The following CLEC16A variants were observed in gnomAD, a reference collection of about 807,000 sequenced individuals.
The protein encoded by CLEC16A is protein CLEC16A.
CLEC16A carries 51 observed loss-of-function variants against 109.5 expected under a neutral mutation model. The observed-to-expected ratio is 0.47, with a 90% confidence interval of 0.37 to 0.59. CLEC16A has a LOEUF of 0.59. CLEC16A is among the 20% of genes least tolerant of loss of function. The pLI, the probability that CLEC16A is intolerant of heterozygous loss-of-function variation, is 0.00. For synonymous variants in CLEC16A, 673 were observed against 564.2 expected, an observed-to-expected ratio of 1.19 and a Z score of -2.73; for missense variants, 1,339 against 1,394.0, an observed-to-expected ratio of 0.96 and a Z score of 0.63.
intron 22 of CLEC16A, among the ~76,000 whole-genome samples, chr16:11,152,836 C>A (rs1446751021): frequency 1.3e-5 from 2 of 152,144 alleles, no homozygotes; most frequent in Non-Finnish European, 2.9e-5. Context: ...GGAAGAAAGT[C>A]CAGTCTGTCA....
At chr16:11,097,638 C>T (rs2050681485) in intron 19 of CLEC16A, among the ~76,000 whole-genome samples, 1 of 152,126 alleles carries the variant, frequency 6.6e-6, no homozygotes, top group Non-Finnish European at 1.5e-5. Context: ...TTACAGCCTC[C>T]GTATTTACTG....
chr16:11,165,667 G>C (rs138588399), intron 22 of CLEC16A, among the ~76,000 whole-genome samples: 11 of 152,174 alleles, frequency 7.2e-5, no homozygotes, highest in Non-Finnish European at 1.6e-4. Context: ...CAAGTGTCTG[G>C]TGCTTCTGTG....
intron 1 of CLEC16A, among the ~76,000 whole-genome samples, chr16:10,948,603 G>A (rs1028428208): frequency 1.1e-4 from 17 of 152,304 alleles, no homozygotes; most frequent in African/African-American, 2.9e-4. Flanking sequence ...GAAATTGGTC[G>A]TTTTTGTATT....
chr16:11,082,792 C>A (rs2049799277), intron 19 of CLEC16A, among the ~76,000 whole-genome samples: 1 of 152,178 alleles, frequency 6.6e-6, no homozygotes, highest in Non-Finnish European at 1.5e-5. Flanking sequence ...TTTAAAACTT[C>A]CATATTTGGC....
chr16:11,062,940 A>G (rs546548713), intron 19 of CLEC16A, among the ~76,000 whole-genome samples: 1 of 152,324 alleles, frequency 6.6e-6, no homozygotes, highest in African/African-American at 2.4e-5. Context: ...CAGGGCAGCA[A>G]GAATGTTTGC....
intron 10 of CLEC16A, among the ~76,000 whole-genome samples, chr16:10,997,047 A>T (rs1457023350): frequency 1.3e-5 from 2 of 152,186 alleles, no homozygotes; most frequent in Non-Finnish European, 2.9e-5. Context: ...CTGCAGCCTC[A>T]ACCTTCTGGG....
rs77194392 is a variant in CLEC16A at position 11,002,389 on chromosome 16, A to G, written c.1072-685A>G. 1.3e-3 allele frequency among the ~76,000 whole-genome samples: 200 copies of G among 152,362 alleles called. 1 individual carries two copies. The highest frequency in any genetic ancestry group is 1.3e-3 in the Non-Finnish European group (90 of 68,038). On this transcript the variant is annotated intron_variant, in intron 10 of 23. Coordinates refer to ENST00000409790, the MANE Select transcript of CLEC16A (RefSeq NM_015226.3). The stretch of plus-strand genomic sequence containing the variant: ...TCTGACTTAGGGCAGTAGACAGTAA[A>G]TGGTAGCTGGCACTGTTGTTTTGAT...
chr16:11,097,246 G>A (rs1216189554), intron 19 of CLEC16A, among the ~76,000 whole-genome samples: 1 of 152,230 alleles, frequency 6.6e-6, no homozygotes, highest in Non-Finnish European at 1.5e-5. Context: ...AGTGTGAGCA[G>A]CTGGGTGAGT....
intron 11 of CLEC16A, among the ~76,000 whole-genome samples, chr16:11,003,756 C>G (rs1235434309): frequency 1.3e-5 from 2 of 152,068 alleles, no homozygotes; most frequent in Non-Finnish European, 2.9e-5. Context: ...ATCCTTATTA[C>G]TGATATAATT....
At chr16:11,072,619 T>C (rs1158124765) in intron 19 of CLEC16A, among the ~76,000 whole-genome samples, 7 of 152,188 alleles carry the variant, frequency 4.6e-5, no homozygotes. Flanking sequence ...TTAGTTAACC[T>C]CTCTGAGCCT....
chr16:11,151,145 G>C (rs1240962948), intron 22 of CLEC16A, among the ~76,000 whole-genome samples: 1 of 152,162 alleles, frequency 6.6e-6, no homozygotes, highest in Non-Finnish European at 1.5e-5. Flanking sequence ...GTCTGAATTT[G>C]CCAGATTTTA....
chr16:11,028,402 C>T (rs1190585245), intron 13 of CLEC16A, among the ~76,000 whole-genome samples: 1 of 152,086 alleles, frequency 6.6e-6, no homozygotes, highest in South Asian at 2.1e-4. Context: ...TTGTACAAGG[C>T]TCCCTAAGAC....
At chr16:11,014,905 AT>A (rs1276865300) in intron 11 of CLEC16A, among the ~76,000 whole-genome samples, 8 of 152,196 alleles carry the variant, frequency 5.3e-5, no homozygotes, top group African/African-American at 1.9e-4. Context: ...TGTGACCCTG[AT>A]CATCAGGGGA....
chr16:11,074,625 T>C (rs942309350), intron 19 of CLEC16A, among the ~76,000 whole-genome samples: 1 of 152,224 alleles, frequency 6.6e-6, no homozygotes, highest in Non-Finnish European at 1.5e-5. Context: ...TTCCCTGTTT[T>C]ATAAACTTAC....
intron 13 of CLEC16A, among the ~76,000 whole-genome samples, chr16:11,031,574 A>T (rs923120003): frequency 6.6e-6 from 1 of 152,200 alleles, no homozygotes; most frequent in Non-Finnish European, 1.5e-5. Flanking sequence ...AATGCTATGC[A>T]TGTATTGATT....
At chr16:11,148,953 A>C (rs916639469) in intron 22 of CLEC16A, among the ~76,000 whole-genome samples, 1 of 152,236 alleles carries the variant, frequency 6.6e-6, no homozygotes, top group Non-Finnish European at 1.5e-5. Context: ...ATTATTTATT[A>C]ATTGTGAAAG....
intron 16 of CLEC16A, among the ~76,000 whole-genome samples, chr16:11,044,655 G>T (rs2047537430): frequency 6.6e-6 from 1 of 152,194 alleles, no homozygotes; most frequent in Non-Finnish European, 1.5e-5. Flanking sequence ...TTGCCGCCAG[G>T]CATGGTGGCT....
chr16:11,066,872 A>G (rs2048789908), intron 19 of CLEC16A: 1 of 152,188 alleles, frequency 6.6e-6, no homozygotes, highest in African/African-American at 2.4e-5. Flanking sequence ...AGTACAGAAC[A>G]GTAGGTCCCA....
chr16:11,170,197 G>A (rs555334939), intron 23 of CLEC16A, among the ~76,000 whole-genome samples: 10 of 152,284 alleles, frequency 6.6e-5, no homozygotes, highest in African/African-American at 2.2e-4. Flanking sequence ...TCCTTCCAAC[G>A]TGCGTGGCTG....
Sources: allele counts gnomAD v4.1 joint callset (sites outside exome capture counted in the v4.1 genomes callset), GRCh38; gene constraint gnomAD v4.1.1; transcripts MANE v1.5; gene names NCBI Gene and HGNC (gene_info 2026-07-23, HGNC 2026-07-21).